PTPRR: variants seen among roughly 807,000 people sequenced by gnomAD.
PTPRR encodes protein tyrosine phosphatase receptor type R, also known as receptor-type tyrosine-protein phosphatase R.
A neutral mutation model predicts 77.2 loss-of-function variants in PTPRR; 38 were observed. That is an observed-to-expected ratio of 0.49 (90% CI 0.38 to 0.65). PTPRR has a LOEUF of 0.65. PTPRR is among the 30% of genes least tolerant of loss of function. The pLI is 0.00. For missense variants in PTPRR, 744 were observed against 799.2 expected (o/e 0.93, Z 0.83); for synonymous variants, 299 against 283.1 (o/e 1.06, Z -0.57).
intron 2 of PTPRR, among the ~76,000 whole-genome samples, chr12:70,771,565 A>G (rs1890978515): frequency 6.6e-6 from 1 of 152,202 alleles, no homozygotes; most frequent in African/African-American, 2.4e-5. Context: ...ATTTTTTAAA[A>G]AGATGGTATA....
chr12:70,848,630 G>A (rs1198326820), intron 2 of PTPRR, among the ~76,000 whole-genome samples: 1 of 152,082 alleles, frequency 6.6e-6, no homozygotes, highest in Non-Finnish European at 1.5e-5. Context: ...CCAGATTAAT[G>A]AATATTAAAT....
intron 10 of PTPRR, among the ~76,000 whole-genome samples, chr12:70,682,917 A>C (rs890194650): frequency 6.6e-6 from 1 of 151,832 alleles, no homozygotes; most frequent in Non-Finnish European, 1.5e-5. Flanking sequence ...GGCCAAAAAT[A>C]TGCTATTTTT....
chr12:70,827,709 C>CTTTTTTTTTT (rs869285373), intron 2 of PTPRR, among the ~76,000 whole-genome samples: 2 of 63,870 alleles, frequency 3.1e-5, no homozygotes, highest in African/African-American at 1.9e-4. Flanking sequence ...CCACACCTGG[C>CTTTTTTTTTT]TTTTTTTTTT....
At chr12:70,710,090 C>A (rs1565659363) in intron 6 of PTPRR, among the ~76,000 whole-genome samples, 4 of 152,038 alleles carry the variant, frequency 2.6e-5, no homozygotes, top group African/African-American at 7.2e-5. Context: ...GCCCAAATAG[C>A]CAAGACAATC....
intron 2 of PTPRR, among the ~76,000 whole-genome samples, chr12:70,857,719 G>A (rs1892677319): frequency 6.6e-6 from 1 of 152,028 alleles, no homozygotes. Context: ...ATGCGATGGG[G>A]AATTTGGAAA....
intron 10 of PTPRR, among the ~76,000 whole-genome samples, chr12:70,674,081 G>A (rs1317043715): frequency 6.6e-6 from 1 of 151,800 alleles, no homozygotes; most frequent in African/African-American, 2.4e-5. Context: ...CAACAGGTGC[G>A]CACCACCACC....
intron 2 of PTPRR, among the ~76,000 whole-genome samples, chr12:70,821,962 C>T (rs114414653): frequency 0.021 from 3,154 of 152,282 alleles, 101 homozygotes; most frequent in African/African-American, 0.071. Flanking sequence ...CCACGCCCGG[C>T]CGAAACCTAT....
Position 70,775,757 on chromosome 12 carries a change from T to C in PTPRR, c.358-10979A>G, listed in dbSNP as rs528363875. Among the ~76,000 whole-genome samples, 5 of 151,816 alleles carry C rather than the reference T, an allele frequency of 3.3e-5. No homozygotes were observed. The East Asian group carries it at 9.7e-4, about 29-fold the overall frequency. ...CCAAAAGCTTGCTAGAAGAAATCCATCCACTTCTAACTCAAATGTGCCCCC... is the reference window on the plus strand; with the variant it reads ...CCAAAAGCTTGCTAGAAGAAATCCACCCACTTCTAACTCAAATGTGCCCCC... On this transcript the variant is annotated intron_variant, in intron 2 of 13. Transcript: ENST00000283228.
At chr12:70,642,183 G>C (rs975126050) in intron 13 of PTPRR, among the ~76,000 whole-genome samples, 1 of 151,944 alleles carries the variant, frequency 6.6e-6, no homozygotes, top group African/African-American at 2.4e-5. Context: ...CCTGGTTCTC[G>C]GTAGTATTTT....
At position 70,780,023 on chromosome 12, in the gene PTPRR, C is replaced by T. The variant is rs1026419888; in HGVS notation, c.358-15245G>A. 5.9e-5 allele frequency among the ~76,000 whole-genome samples: 9 copies of T among 151,334 alleles called. No individual in the cohort carries two copies. In the South Asian group the frequency reaches 6.3e-4, roughly 11 times the overall value. The stretch of plus-strand genomic sequence containing the variant: ...TTTTTTTTTTTTTAAGACAGAGTCT[C>T]GCTCTGTTGCCAGGCTGAAGTGCAG... On this transcript the variant is annotated intron_variant, in intron 2 of 13. Coordinates refer to ENST00000283228, the MANE Select transcript of PTPRR (RefSeq NM_002849.4).
rs140396652 is a variant in PTPRR, at chr12:70,827,633, T to C, written c.358-62855A>G. Among the ~76,000 whole-genome samples, 222 of 150,918 alleles carry C rather than the reference T, an allele frequency of 1.5e-3. 4 individuals are homozygous for C. In the East Asian group the frequency reaches 0.041, roughly 28 times the overall value. On this transcript the variant is annotated intron_variant, in intron 2 of 13. Transcript: ENST00000283228. ...TGATCTCGGCTCACTGCAACCTTTT[T>C]CTTCCAGGTTCAAGCAATTCTCCTG...
At chr12:70,732,970 G>T (rs982557520) in intron 6 of PTPRR, among the ~76,000 whole-genome samples, 1 of 152,004 alleles carries the variant, frequency 6.6e-6, no homozygotes, top group African/African-American at 2.4e-5. Context: ...TATGGAACAC[G>T]TACAAGGTGG....
At chr12:70,909,319 C>T (rs1328874156) in intron 1 of PTPRR, among the ~76,000 whole-genome samples, 1 of 152,182 alleles carries the variant, frequency 6.6e-6, no homozygotes, top group African/African-American at 2.4e-5. Flanking sequence ...ACCACACACA[C>T]ATCAAAGATA....
chr12:70,749,892 G>A (rs1167348501), intron 5 of PTPRR, among the ~76,000 whole-genome samples: 1 of 152,172 alleles, frequency 6.6e-6, no homozygotes, highest in East Asian at 1.9e-4. Context: ...TAATAAACCT[G>A]TAAGGACATT....
chr12:70,710,654 A>G (rs1490294861), intron 6 of PTPRR, among the ~76,000 whole-genome samples: 1 of 152,194 alleles, frequency 6.6e-6, no homozygotes, highest in Non-Finnish European at 1.5e-5. Flanking sequence ...CCAACTCTGC[A>G]TCAGACAAAG....
intron 10 of PTPRR, among the ~76,000 whole-genome samples, chr12:70,674,523 T>A (rs1352566100): frequency 1.3e-5 from 2 of 152,146 alleles, no homozygotes; most frequent in African/African-American, 4.8e-5. Flanking sequence ...TGTTAAAACT[T>A]TTTTTAAGCA....
rs569216016 is a variant in PTPRR at position 70,761,707 on chromosome 12, A to C, written c.472-81T>G. The C allele has an allele frequency of 1.6e-5, 18 of 1,107,494 alleles. No individual in the cohort carries two copies. In the East Asian group the frequency reaches 4.4e-4, roughly 27 times the overall value. The allele number at this position is 1,107,494 out of a possible 1,614,324, so 68.6% of individuals were successfully genotyped here. On this transcript the variant is annotated intron_variant, in intron 3 of 13. Coordinates refer to ENST00000283228, the MANE Select transcript of PTPRR (RefSeq NM_002849.4). ...ATATTTTTACCTGTCCTTTAGAAAC[A>C]TTAAAGGAAGTCAGAATTCTAGAAT...
chr12:70,663,929 C>A (rs997693287), intron 10 of PTPRR, among the ~76,000 whole-genome samples: 1 of 152,094 alleles, frequency 6.6e-6, no homozygotes, highest in Non-Finnish European at 1.5e-5. Context: ...TTTAAAAGAG[C>A]AGCAAAAGAC....
chr12:70,911,558 C>A (rs1222881009), intron 1 of PTPRR, among the ~76,000 whole-genome samples: 3 of 152,114 alleles, frequency 2.0e-5, no homozygotes, highest in African/African-American at 7.2e-5. Flanking sequence ...ATTTCACATT[C>A]ATTTAAGTAG....
Sources: gnomAD v4.1 joint callset for allele counts (sites outside exome capture counted in the v4.1 genomes callset) on GRCh38, gnomAD v4.1.1 for gene constraint, MANE v1.5 for transcripts, NCBI Gene and HGNC (gene_info 2026-07-23, HGNC 2026-07-21) for gene names.